Variants in OPCML observed in about 807,000 individuals in gnomAD.
OPCML encodes opioid binding protein/cell adhesion molecule like, also known as opioid-binding protein/cell adhesion molecule.
OPCML carries 13 observed loss-of-function variants against 37.8 expected under a neutral mutation model. The ratio of observed to expected loss-of-function variants is 0.34; its 90% CI spans 0.22 to 0.55. OPCML has a LOEUF of 0.55. Ranked by LOEUF, OPCML falls within the 20% of genes least tolerant of loss-of-function variation. OPCML has a pLI of 0.91. For missense variants in OPCML, 341 were observed against 435.6 expected (o/e 0.78, Z 1.93); for synonymous variants, 176 against 168.8 (o/e 1.04, Z -0.33).
chr11:132,596,016 A>G (rs987144407), intron 3 of OPCML, among the ~76,000 whole-genome samples: 2 of 152,198 alleles, frequency 1.3e-5, no homozygotes, highest in Non-Finnish European at 2.9e-5. Context: ...TAGCTTTGGA[A>G]TCAGTTAGAT....
At chr11:132,680,978 T>G (rs1018865416) in intron 2 of OPCML, among the ~76,000 whole-genome samples, 1 of 152,214 alleles carries the variant, frequency 6.6e-6, no homozygotes, top group Non-Finnish European at 1.5e-5. Context: ...GCCATGAAGC[T>G]GCTGAGTAAT....
intron 2 of OPCML, among the ~76,000 whole-genome samples, chr11:132,820,468 T>A (rs1487846471): frequency 2.0e-5 from 3 of 152,166 alleles, no homozygotes; most frequent in Non-Finnish European, 4.4e-5. Context: ...TATATATTTA[T>A]GTTTGTGTTT....
At chr11:132,901,605 G>A (rs1185441809) in intron 2 of OPCML, among the ~76,000 whole-genome samples, 2 of 152,176 alleles carry the variant, frequency 1.3e-5, no homozygotes, top group African/African-American at 2.4e-5. Context: ...AATTTGGGGT[G>A]CAGGTTCCCC....
At chr11:133,048,401 G>A (rs559774670) in intron 1 of OPCML, among the ~76,000 whole-genome samples, 2 of 152,102 alleles carry the variant, frequency 1.3e-5, no homozygotes, top group South Asian at 4.2e-4. Flanking sequence ...AAGGACTATT[G>A]ACTGCATTAG....
chr11:132,944,098 G>C (rs1410352786), intron 1 of OPCML, among the ~76,000 whole-genome samples: 2 of 151,962 alleles, frequency 1.3e-5, no homozygotes, highest in African/African-American at 4.8e-5. Context: ...GCGGGGATGA[G>C]CCCGCACCGC....
At chr11:133,028,074 AT>A (rs1162503499) in intron 1 of OPCML, among the ~76,000 whole-genome samples, 2 of 152,032 alleles carry the variant, frequency 1.3e-5, no homozygotes, top group Non-Finnish European at 2.9e-5. Context: ...TTTCATTAAA[AT>A]CACTGGAGCT....
intron 3 of OPCML, 140 bp from the exon 4 acceptor site, chr11:132,529,326 C>T (rs1248005961): frequency 2.0e-6 from 2 of 1,021,522 alleles, no homozygotes; most frequent in East Asian, 2.7e-5. Context: ...GCTTGATTTG[C>T]CAAGGATATG....
chr11:132,996,486 G>A (rs1946888117), intron 1 of OPCML, among the ~76,000 whole-genome samples: 1 of 151,450 alleles, frequency 6.6e-6, no homozygotes, highest in Admixed American at 6.6e-5. Flanking sequence ...AAATTAGCTG[G>A]GCGTAGTCCC....
chr11:133,136,352 G>A (rs1949689895), intron 1 of OPCML, among the ~76,000 whole-genome samples: 1 of 141,034 alleles, frequency 7.1e-6, no homozygotes, highest in South Asian at 2.4e-4. Context: ...AAAGCAGAAG[G>A]AGCTTTTAGT....
chr11:132,934,903 G>T (rs1344813012), intron 2 of OPCML, among the ~76,000 whole-genome samples: 1 of 152,034 alleles, frequency 6.6e-6, no homozygotes, highest in Non-Finnish European at 1.5e-5. Context: ...ACTTTGGGAG[G>T]CCGGGATGGG....
Position 133,458,549 on chromosome 11 carries a change from GTGTGTGTGTA to G in OPCML, c.61+73705_61+73714del, listed in dbSNP as rs1946762309. On this transcript the variant is annotated intron_variant, in intron 1 of 7. Transcript: ENST00000524381. The stretch of plus-strand genomic sequence containing the variant: ...TGTGTGTGTATACACATATATACAC[GTGTGTGTGTA>G]TACACATATATACACGTGTGTGTAC... Among the ~76,000 whole-genome samples the G allele has an allele frequency of 4.0e-5, 3 of 74,848 alleles. 1 individual carries two copies. Among genetic ancestry groups the G allele is most frequent in the African/African-American group, 2.6e-4 (2 of 7,748 alleles). 49.1% of individuals were successfully genotyped at this position (74,848 alleles called of 152,430 possible).
At position 132,630,342 on chromosome 11, in the gene OPCML, G is replaced by C. The variant is rs190936676; in HGVS notation, c.379+26745C>G. On this transcript the variant is annotated intron_variant, in intron 3 of 7. Coordinates refer to ENST00000524381, the MANE Select transcript of OPCML (RefSeq NM_001012393.5). ...TGGGAGGCTGAGGTGGGGCGGTCAC[G>C]AGGTCAAGAGATTGAGACCATCCTG... 3.3e-5 allele frequency among the ~76,000 whole-genome samples: 5 copies of C among 152,258 alleles called. No individual in the cohort carries two copies. In the East Asian group the frequency reaches 5.8e-4, roughly 18 times the overall value.
intron 1 of OPCML, among the ~76,000 whole-genome samples, chr11:133,012,148 GTAT>G (rs1300493058): frequency 1.3e-5 from 2 of 152,114 alleles, no homozygotes; most frequent in Non-Finnish European, 2.9e-5. Context: ...AGGGGGCACG[GTAT>G]TATTTTATTG....
At chr11:132,796,533 C>T (rs1365322866) in intron 2 of OPCML, among the ~76,000 whole-genome samples, 1 of 145,514 alleles carries the variant, frequency 6.9e-6, no homozygotes, top group Non-Finnish European at 1.5e-5. Context: ...AGCATTCTCA[C>T]TAACACTTAT....
intron 1 of OPCML, among the ~76,000 whole-genome samples, chr11:133,378,599 A>G (rs929688819): frequency 2.6e-5 from 4 of 152,196 alleles, no homozygotes; most frequent in African/African-American, 9.6e-5. Flanking sequence ...TATTCTAAGC[A>G]GCTGACGTAT....
chr11:133,386,096 G>C (rs996314211), intron 1 of OPCML, among the ~76,000 whole-genome samples: 1 of 152,132 alleles, frequency 6.6e-6, no homozygotes, highest in African/African-American at 2.4e-5. Context: ...TGTGAGAATG[G>C]GATGAATAAG....
intron 1 of OPCML, chr11:133,365,743 G>A (rs1367361742): frequency 6.6e-6 from 1 of 152,228 alleles, no homozygotes; most frequent in African/African-American, 2.4e-5. Flanking sequence ...TACCCTCAGT[G>A]TGAAGGCATT....
chr11:133,501,119 C>G (rs934072274), intron 1 of OPCML, among the ~76,000 whole-genome samples: 2 of 152,194 alleles, frequency 1.3e-5, no homozygotes, highest in Non-Finnish European at 2.9e-5. Flanking sequence ...ACCACCCACA[C>G]TGTGCAGTGT....
chr11:132,789,426 T>A (rs562064180), intron 2 of OPCML, among the ~76,000 whole-genome samples: 1 of 152,130 alleles, frequency 6.6e-6, no homozygotes. Flanking sequence ...AGGTGATAGA[T>A]GCTTAGAAAA....
Sources: allele counts gnomAD v4.1 joint callset (sites outside exome capture counted in the v4.1 genomes callset), GRCh38; gene constraint gnomAD v4.1.1; transcripts MANE v1.5; gene names NCBI Gene and HGNC (gene_info 2026-07-23, HGNC 2026-07-21).